PLCXD3: variants seen among roughly 807,000 people sequenced by gnomAD.
The protein encoded by PLCXD3 is PI-PLC X domain-containing protein 3.
In PLCXD3, 19 loss-of-function variants were observed where a neutral mutation model predicts 25.5. The ratio of observed to expected loss-of-function variants is 0.75; its 90% confidence interval spans 0.52 to 1.09. PLCXD3 has a LOEUF of 1.09. Ranked by LOEUF, PLCXD3 falls within the 50% of genes least tolerant of loss-of-function variation. The pLI is 0.00. For missense variants in PLCXD3, 411 were observed against 388.1 expected, an observed-to-expected ratio of 1.06 and a Z score of -0.50; for synonymous variants, 174 against 137.6, an observed-to-expected ratio of 1.26 and a Z score of -1.85.
chr5:41,489,522 G>T (rs1383470889), intron 1 of PLCXD3, among the ~76,000 whole-genome samples: 1 of 152,174 alleles, frequency 6.6e-6, no homozygotes, highest in East Asian at 1.9e-4. Context: ...ACCTTGGGCA[G>T]TATGGCAATT....
At chr5:41,403,413 T>TTTTTGTTTTTG (rs1178334780) in intron 1 of PLCXD3, among the ~76,000 whole-genome samples, 1 of 32,172 alleles carries the variant, frequency 3.1e-5, no homozygotes. Flanking sequence ...TTTTTTTTTT[T>TTTTTGTTTTTG]TTTATTATAC....
intron 2 of PLCXD3, among the ~76,000 whole-genome samples, chr5:41,365,534 CCAGTCCCCACT>C (rs968178981): frequency 1.3e-5 from 2 of 152,156 alleles, no homozygotes; most frequent in Non-Finnish European, 2.9e-5. Flanking sequence ...GACTGCCTCT[CCAGTCCCCACT>C]CTAAGCCCAC....
At chr5:41,493,937 C>T (rs1421227353) in intron 1 of PLCXD3, among the ~76,000 whole-genome samples, 4 of 152,226 alleles carry the variant, frequency 2.6e-5, no homozygotes, top group Admixed American at 6.5e-5. Flanking sequence ...CAGTGCGCTG[C>T]ACCCACTGTC....
At chr5:41,501,028 A>G (rs1306586343) in intron 1 of PLCXD3, among the ~76,000 whole-genome samples, 1 of 151,970 alleles carries the variant, frequency 6.6e-6, no homozygotes, top group African/African-American at 2.4e-5. Flanking sequence ...ACCTGTTAGG[A>G]TGGTTACTAT....
chr5:41,360,617 T>A (rs1418258408), intron 2 of PLCXD3, among the ~76,000 whole-genome samples: 2 of 152,128 alleles, frequency 1.3e-5, no homozygotes, highest in Non-Finnish European at 1.5e-5. Context: ...ATGCAGTGAT[T>A]GTTTTTCCTC....
At chr5:41,483,248 A>G (rs982261726) in intron 1 of PLCXD3, among the ~76,000 whole-genome samples, 2 of 152,206 alleles carry the variant, frequency 1.3e-5, no homozygotes, top group African/African-American at 4.8e-5. Context: ...TTTACAGTAG[A>G]TTAACAAAAT....
chr5:41,492,782 C>A (rs1368448545), intron 1 of PLCXD3, among the ~76,000 whole-genome samples: 1 of 152,252 alleles, frequency 6.6e-6, no homozygotes, highest in Non-Finnish European at 1.5e-5. Flanking sequence ...TCAGCCCCAT[C>A]AGCTCCTTTA....
chr5:41,334,316 A>G (rs138084493), intron 2 of PLCXD3, among the ~76,000 whole-genome samples: 249 of 152,232 alleles, frequency 1.6e-3, no homozygotes, highest in African/African-American at 5.7e-3. Flanking sequence ...ACACATACCC[A>G]GGTGACAATA....
intron 2 of PLCXD3, among the ~76,000 whole-genome samples, chr5:41,324,130 A>G (rs1743554077): frequency 6.6e-6 from 1 of 152,200 alleles, no homozygotes; most frequent in African/African-American, 2.4e-5. Flanking sequence ...ATGGGCAGGA[A>G]AATGGATTCC....
rs190110377 is a variant in PLCXD3 at position 41,398,314 on chromosome 5, G to A, written c.104-15780C>T. ...TCCTCATGAGATCTGGTTGTTTGAA[G>A]GTGTGTAGAACTTTCCTGTTTCCTC... On this transcript the variant is annotated intron_variant, in intron 1 of 2. Coordinates refer to ENST00000377801, the MANE Select transcript of PLCXD3 (RefSeq NM_001005473.3). 3.7e-4 allele frequency among the ~76,000 whole-genome samples: 57 copies of A among 152,228 alleles called. No homozygotes were observed. In the East Asian group the frequency reaches 7.4e-3, roughly 20 times the overall value.
intron 1 of PLCXD3, among the ~76,000 whole-genome samples, chr5:41,390,296 C>T (rs1241260386): frequency 6.6e-6 from 1 of 151,280 alleles, no homozygotes; most frequent in African/African-American, 2.4e-5. Flanking sequence ...GTTTCCATTG[C>T]TGACAATTCT....
intron 2 of PLCXD3, among the ~76,000 whole-genome samples, chr5:41,352,053 T>C (rs911398262): frequency 2.6e-5 from 4 of 152,362 alleles, no homozygotes; most frequent in Admixed American, 2.6e-4. Context: ...TATTAACTTA[T>C]GCAAGCTAAC....
chr5:41,401,482 A>G (rs1032451660), intron 1 of PLCXD3, among the ~76,000 whole-genome samples: 1 of 151,988 alleles, frequency 6.6e-6, no homozygotes, highest in African/African-American at 2.4e-5. Context: ...ACCTTGGCAT[A>G]TTTGCTGAAA....
At chr5:41,405,787 TG>T (rs1367843532) in intron 1 of PLCXD3, among the ~76,000 whole-genome samples, 10 of 152,194 alleles carry the variant, frequency 6.6e-5, no homozygotes, top group Middle Eastern at 3.4e-3. Flanking sequence ...TGTTTTGTTT[TG>T]TTTTGTTTAC....
intron 1 of PLCXD3, among the ~76,000 whole-genome samples, chr5:41,455,346 C>G (rs560110482): frequency 6.6e-6 from 1 of 151,988 alleles, no homozygotes; most frequent in East Asian, 1.9e-4. Context: ...CTTCCGTTAA[C>G]CTGACTCTCC....
chr5:41,466,048 T>C (rs2150518557), intron 1 of PLCXD3, among the ~76,000 whole-genome samples: 1 of 152,238 alleles, frequency 6.6e-6, no homozygotes, highest in Middle Eastern at 3.4e-3. Context: ...CCCCTAGATC[T>C]CATTAACCAA....
intron 2 of PLCXD3, among the ~76,000 whole-genome samples, chr5:41,377,994 C>A (rs1157751592): frequency 6.6e-6 from 1 of 152,044 alleles, no homozygotes; most frequent in Non-Finnish European, 1.5e-5. Context: ...ACTTACTACA[C>A]CTTTTGGTGC....
At chr5:41,365,465 C>A (rs1161535162) in intron 2 of PLCXD3, among the ~76,000 whole-genome samples, 1 of 152,152 alleles carries the variant, frequency 6.6e-6, no homozygotes, top group Non-Finnish European at 1.5e-5. Context: ...TCATGCCATT[C>A]TCTAGGTTTG....
intron 2 of PLCXD3, among the ~76,000 whole-genome samples, chr5:41,322,262 C>A (rs1743495036): frequency 6.6e-6 from 1 of 152,100 alleles, no homozygotes; most frequent in Non-Finnish European, 1.5e-5. Context: ...AAAAGATGGG[C>A]AAAAGATTTG....
Sources: allele counts gnomAD v4.1 joint callset (sites outside exome capture counted in the v4.1 genomes callset), GRCh38; gene constraint gnomAD v4.1.1; transcripts MANE v1.5; gene names NCBI Gene and HGNC (gene_info 2026-07-23, HGNC 2026-07-21).